LGR6: variants seen among roughly 807,000 people sequenced by gnomAD.
The protein encoded by LGR6 is leucine-rich repeat-containing G protein-coupled receptor 6.
A neutral mutation model predicts 69.4 loss-of-function variants in LGR6; 45 were observed. The ratio of observed to expected loss-of-function variants is 0.65; its 90% CI spans 0.51 to 0.83. The LOEUF (loss-of-function observed/expected upper bound fraction) is 0.83. Ranked by LOEUF, LGR6 falls within the 40% of genes least tolerant of loss-of-function variation. The pLI is 0.00. For synonymous variants in LGR6, 538 were observed against 555.0 expected (o/e 0.97, Z 0.43); for missense variants, 1,108 against 1,246.7 (o/e 0.89, Z 1.68).
At chr1:202,276,728 G>A (rs1207965780) in intron 5 of LGR6, among the ~76,000 whole-genome samples, 3 of 152,202 alleles carry the variant, frequency 2.0e-5, no homozygotes, top group Admixed American at 6.5e-5. Context: ...ATGAGAGCTT[G>A]AAAAGTGCTC....
Position 202,276,497 on chromosome 1 carries a change from A to G in LGR6, c.620A>G (p.Gln207Arg). 6.2e-7 allele frequency: 1 copy of G among 1,614,048 alleles called. No individual in the cohort carries two copies. The highest frequency in any genetic ancestry group is 8.5e-7 in the Non-Finnish European group (1 of 1,179,962). The change falls in exon 5 of 18, where the codon CAG (glutamine) becomes CGG (arginine). Residue 207 changes from glutamine (Q) to arginine (R), a missense_variant. Coordinates refer to ENST00000367278, the MANE Select transcript of LGR6 (RefSeq NM_001017403.2). ...RISHIPDYAF[Q>R]NLTSLVVLHL... is the part of the protein sequence containing the mutation. ...AGCCACATCCCCGACTACGCGTTCC[A>G]GAATCTCACCAGCCTTGTGGTGCTG... is the stretch of plus-strand genomic sequence containing the variant.
At chr1:202,270,653 C>G (rs1175361716) in intron 4 of LGR6, among the ~76,000 whole-genome samples, 1 of 152,130 alleles carries the variant, frequency 6.6e-6, no homozygotes, top group Non-Finnish European at 1.5e-5. Flanking sequence ...CTCCTTCAGG[C>G]TCTGACACAG....
intron 4 of LGR6, among the ~76,000 whole-genome samples, chr1:202,249,896 G>A (rs1663086017): frequency 6.6e-6 from 1 of 152,152 alleles, no homozygotes; most frequent in African/African-American, 2.4e-5. Context: ...CAGCCAGATG[G>A]ATCTTAAGAC....
intron 13 of LGR6, 73 bp from the exon 14 acceptor site, chr1:202,307,257 G>A (rs1262049569): frequency 6.3e-6 from 9 of 1,436,488 alleles, no homozygotes; most frequent in Admixed American, 5.0e-5. Context: ...GTATGTGAGG[G>A]GGAGCCCATG....
intron 4 of LGR6, among the ~76,000 whole-genome samples, chr1:202,250,705 G>C (rs1336027336): frequency 6.6e-6 from 1 of 152,076 alleles, no homozygotes; most frequent in Non-Finnish European, 1.5e-5. Flanking sequence ...CACCCAGACT[G>C]GATGTCCTTT....
At chr1:202,253,249 A>T (rs1352089440) in intron 4 of LGR6, among the ~76,000 whole-genome samples, 1 of 152,144 alleles carries the variant, frequency 6.6e-6, no homozygotes, top group Non-Finnish European at 1.5e-5. Context: ...ACGTATAGGA[A>T]GACTTAGCAC....
intron 6 of LGR6, among the ~76,000 whole-genome samples, chr1:202,282,972 G>A (rs1204283217): frequency 6.6e-6 from 1 of 152,210 alleles, no homozygotes; most frequent in African/African-American, 2.4e-5. Context: ...GACAGCCTGG[G>A]GTACAGTGCC....
At chr1:202,203,660 T>C (rs1571804519) in intron 1 of LGR6, 1 of 675,506 alleles carries the variant, frequency 1.5e-6, no homozygotes, top group East Asian at 2.7e-5. Flanking sequence ...CGCAAATAAC[T>C]GTGACCTGTT....
intron 3 of LGR6, among the ~76,000 whole-genome samples, chr1:202,232,963 TG>T (rs1661215119): frequency 6.6e-6 from 1 of 152,126 alleles, no homozygotes; most frequent in South Asian, 2.1e-4. Flanking sequence ...AAAAGAATGA[TG>T]GCTAGGAAAT....
intron 4 of LGR6, among the ~76,000 whole-genome samples, chr1:202,271,991 A>C (rs1335188263): frequency 6.6e-6 from 1 of 152,104 alleles, no homozygotes; most frequent in Non-Finnish European, 1.5e-5. Context: ...CAGCTGAGGA[A>C]AGCAACACAA....
chr1:202,227,221 A>G (rs1660625140), intron 2 of LGR6, among the ~76,000 whole-genome samples: 1 of 152,158 alleles, frequency 6.6e-6, no homozygotes, highest in Non-Finnish European at 1.5e-5. Flanking sequence ...CACATCTACA[A>G]GCCTCTTGGT....
chr1:202,210,803 C>G (rs1571816076), intron 1 of LGR6: 1 of 152,182 alleles, frequency 6.6e-6, no homozygotes, highest in African/African-American at 2.4e-5. Context: ...TATGTGCCTG[C>G]CCCTAGGCTT....
At chr1:202,286,835 C>T (rs1450274567) in intron 6 of LGR6, among the ~76,000 whole-genome samples, 1 of 152,110 alleles carries the variant, frequency 6.6e-6, no homozygotes, top group African/African-American at 2.4e-5. Flanking sequence ...GTGACCGTGA[C>T]GAGTTATTAA....
At chr1:202,236,212 T>G in intron 4 of LGR6, 1 of 565,230 alleles carries the variant, frequency 1.8e-6, no homozygotes, top group South Asian at 2.1e-5. Flanking sequence ...AGGAAAAGAG[T>G]GCTCCCACGC....
chr1:202,210,310 G>A (rs1263765372), intron 1 of LGR6, among the ~76,000 whole-genome samples: 1 of 152,040 alleles, frequency 6.6e-6, no homozygotes, highest in East Asian at 1.9e-4. Flanking sequence ...TATCCTCAGT[G>A]CTGGCCCAAG....
At chr1:202,280,606 G>T (rs1665927562) in intron 5 of LGR6, among the ~76,000 whole-genome samples, 175 bp from the exon 6 acceptor site, 1 of 152,088 alleles carries the variant, frequency 6.6e-6, no homozygotes, top group African/African-American at 2.4e-5. Flanking sequence ...GGAGATTGTG[G>T]CTTCAGAAGT....
intron 1 of LGR6, among the ~76,000 whole-genome samples, chr1:202,199,666 C>T (rs1305203960): frequency 1.3e-5 from 2 of 151,860 alleles, no homozygotes; most frequent in African/African-American, 2.4e-5. Flanking sequence ...CCACGCCCCC[C>T]GGGGGAGAGA....
intron 16 of LGR6, among the ~76,000 whole-genome samples, chr1:202,312,292 G>C (rs1052976364): frequency 6.6e-6 from 1 of 152,264 alleles, no homozygotes. Flanking sequence ...CTCAGACAGA[G>C]TCCACGGGTT....
At chr1:202,227,299 A>C (rs986856380) in intron 2 of LGR6, among the ~76,000 whole-genome samples, 1 of 152,170 alleles carries the variant, frequency 6.6e-6, no homozygotes, top group Non-Finnish European at 1.5e-5. Context: ...TGAATCATCC[A>C]CCATTAAATT....
Sources: gnomAD v4.1 joint callset for allele counts (sites outside exome capture counted in the v4.1 genomes callset) on GRCh38, gnomAD v4.1.1 for gene constraint, MANE v1.5 for transcripts, NCBI Gene and HGNC (gene_info 2026-07-23, HGNC 2026-07-21) for gene names.